Variants in HNF4A observed in about 807,000 individuals in gnomAD.
HNF4A encodes hepatocyte nuclear factor 4-alpha.
In HNF4A, 15 loss-of-function variants were observed where a neutral mutation model predicts 52.4. The ratio of observed to expected loss-of-function variants is 0.29; its 90% confidence interval spans 0.19 to 0.44. HNF4A has a LOEUF of 0.44. Among genes scored for constraint, HNF4A ranks in the 20% least tolerant of loss-of-function variants. The probability of loss-of-function intolerance (pLI) is 1.00; values close to 1 mark genes in which losing one functional copy is unlikely to be tolerated. For synonymous variants in HNF4A, 280 were observed against 264.4 expected, an observed-to-expected ratio of 1.06 and a Z score of -0.57; for missense variants, 479 against 647.2, an observed-to-expected ratio of 0.74 and a Z score of 2.82.
rs1168161209 is a variant in HNF4A, at chr20:44,368,170, T to A, written c.49+12317T>A. Among the ~76,000 whole-genome samples, 586 of 87,880 alleles carry A rather than the reference T, an allele frequency of 6.7e-3. 11 individuals are homozygous for A. Among genetic ancestry groups the A allele is most frequent in the African/African-American group, 0.025 (548 of 21,654 alleles). 57.7% of individuals were successfully genotyped at this position (87,880 alleles called of 152,430 possible). A position where few individuals can be genotyped will look rare whatever the true frequency, so the allele number is the denominator to read the frequency against. On this transcript the variant is annotated intron_variant, in intron 1 of 9. Transcript: ENST00000316673. ...TATATATATATATATATTTTTTTTT[T>A]TTTTTTTTTTTTTTGAGACAGGGTC...
At position 44,429,929 on chromosome 20, in the gene HNF4A, A is replaced by C; in HGVS notation, c.*264A>C. The C allele has an allele frequency of 2.0e-6, 1 of 507,540 alleles. No individual in the cohort carries two copies. The highest frequency in any genetic ancestry group is 3.5e-6 in the Non-Finnish European group (1 of 283,124). 31.4% of individuals were successfully genotyped at this position (507,540 alleles called of 1,614,324 possible). A position where few individuals can be genotyped will look rare whatever the true frequency, so the allele number is the denominator to read the frequency against. On this transcript the variant is annotated 3_prime_UTR_variant, in exon 10 of 10. Transcript: ENST00000316099. ...TTCTCATGTTGAAGCCACTGCCTTC[A>C]CCTTCACCTTCATCCATGTCCAACC...
intron 8 of HNF4A, among the ~76,000 whole-genome samples, chr20:44,425,067 C>T (rs926214148): frequency 3.3e-5 from 5 of 152,040 alleles, no homozygotes; most frequent in African/African-American, 1.2e-4. Flanking sequence ...CTGCAACCTC[C>T]ACCTCCCGAG....
At chr20:44,424,773 C>A in intron 8 of HNF4A, 1 of 324,046 alleles carries the variant, frequency 3.1e-6, no homozygotes, top group Non-Finnish European at 5.5e-6. Context: ...GAGGAATATT[C>A]CAAGAAGAAG....
intron 1 of HNF4A, among the ~76,000 whole-genome samples, chr20:44,381,662 G>A (rs1017674176): frequency 2.6e-5 from 4 of 152,114 alleles, no homozygotes; most frequent in African/African-American, 2.4e-5. Context: ...CCAGGATGGC[G>A]TGCAGCGGCA....
intron 3 of HNF4A, among the ~76,000 whole-genome samples, chr20:44,410,084 C>T (rs1180574417): frequency 1.3e-5 from 2 of 152,212 alleles, no homozygotes; most frequent in Admixed American, 6.5e-5. Context: ...TGATCCGCCT[C>T]GGCCTCCCAA....
intron 1 of HNF4A, among the ~76,000 whole-genome samples, chr20:44,396,190 G>A (rs1157661598): frequency 6.6e-6 from 1 of 152,068 alleles, no homozygotes; most frequent in Non-Finnish European, 1.5e-5. Context: ...TGTGGCTTTG[G>A]GCAAGTCACT....
In HNF4A at chr20:44,428,479, G is replaced by T. The variant is rs755961897; in HGVS notation, c.1274G>T (p.Gly425Val). The T allele has an allele frequency of 5.0e-6, 8 of 1,614,064 alleles. No individual in the cohort carries two copies. Among genetic ancestry groups the T allele is most frequent in the Non-Finnish European group, 4.2e-6 (5 of 1,179,992 alleles). ...ATGTGTGAGTGGCCCCGACCCAGGG[G>T]ACAGGCAGGTGGGCAAACTCTGGGA... The change falls in exon 9 of 10, where the codon GGA (glycine) becomes GTA (valine). Residue 425 changes from glycine (G) to valine (V), a missense_variant. Gly to Val is a moderately radical substitution (Grantham distance 109). Transcript: ENST00000316099.
rs564110189 is a variant in HNF4A, at chr20:44,431,448, G to T, written c.*1783G>T. ...CAAGTCAAGGGGAGGGGTGGCAGGG[G>T]TCTGTTTCCTGGAAGTCAGGCTCAT... is the stretch of plus-strand genomic sequence containing the variant. On this transcript the variant is annotated 3_prime_UTR_variant, in exon 10 of 10. Coordinates refer to ENST00000316099, the MANE Select transcript of HNF4A (RefSeq NM_000457.6). 1.6e-3 allele frequency: 240 copies of T among 152,494 alleles called. No homozygotes were observed. Among genetic ancestry groups the T allele is most frequent in the Admixed American group, 3.1e-3 (47 of 15,276 alleles). The allele number at this position is 152,494 out of a possible 1,614,324, so 9.4% of individuals were successfully genotyped here. A position where few individuals can be genotyped will look rare whatever the true frequency, so the allele number is the denominator to read the frequency against.
At chr20:44,405,794 A>G (rs1442490500) in intron 1 of HNF4A, among the ~76,000 whole-genome samples, 1 of 152,154 alleles carries the variant, frequency 6.6e-6, no homozygotes, top group African/African-American at 2.4e-5. Flanking sequence ...ATGCCTTCCT[A>G]GAGAAAGCTG....
At chr20:44,396,630 G>A (rs943889017), upstream of HNF4A, among the ~76,000 whole-genome samples, 1 of 152,208 alleles carries the variant, frequency 6.6e-6, no homozygotes, top group Non-Finnish European at 1.5e-5. Context: ...TGTGGTACCT[G>A]GAGCTGTCCT....
Position 44,414,737 on chromosome 20 carries a change from A to G in HNF4A, c.648+75A>G, listed in dbSNP as rs565047818. The G allele has an allele frequency of 3.0e-5, 43 of 1,410,080 alleles. No individual in the cohort carries two copies. The East Asian group carries it at 5.6e-4, about 18-fold the overall frequency. 87.3% of individuals were successfully genotyped at this position (1,410,080 alleles called of 1,614,324 possible). ...CCAGGGGGCTGCTGGCCCACCTGGG[A>G]TATAGCCGTGGACTGGCTTGATTTT... On this transcript the variant is annotated intron_variant, in intron 5 of 9. Transcript: ENST00000316099.
chr20:44,424,467 G>A, intron 8 of HNF4A: 2 of 1,006,798 alleles, frequency 2.0e-6, no homozygotes, highest in Non-Finnish European at 3.0e-6. Flanking sequence ...GCACGTGCCA[G>A]TCACTGTTCT....
At position 44,428,504 on chromosome 20, in the gene HNF4A, AT is replaced by A; in HGVS notation, c.1282+21del. On this transcript the variant is annotated intron_variant, in intron 9 of 9. Coordinates refer to ENST00000316099, the MANE Select transcript of HNF4A (RefSeq NM_000457.6). ...GACAGGCAGGTGGGCAAACTCTGGG[AT>A]TTTACCTTGCAAAGGGTGAGGATGG... 6.2e-7 allele frequency: 1 copy of A among 1,612,412 alleles called. No individual in the cohort carries two copies. The highest frequency in any genetic ancestry group is 1.3e-5 in the African/African-American group (1 of 75,000).
chr20:44,407,579 G>T lies in HNF4A; in HGVS notation c.385+104G>T, dbSNP rs995242690. On this transcript the variant is annotated intron_variant, in intron 3 of 9. Transcript: ENST00000316099. ...GCCACACTTTATGACTCAGTGGCAG[G>T]CCCCAGGGTGACTGGCTAATGGCTG... The T allele has an allele frequency of 4.9e-6, 4 of 818,782 alleles. No homozygotes were observed. The Admixed American group carries it at 8.0e-5, about 16-fold the overall frequency. 50.7% of individuals were successfully genotyped at this position (818,782 alleles called of 1,614,324 possible). A position where few individuals can be genotyped will look rare whatever the true frequency, so the allele number is the denominator to read the frequency against.
chr20:44,389,580 C>T (rs946797039), intron 1 of HNF4A: 4 of 152,260 alleles, frequency 2.6e-5, no homozygotes, highest in African/African-American at 7.2e-5. Flanking sequence ...CCACCCACAA[C>T]GATGCACGCA....
chr20:44,385,729 A>G lies in HNF4A; in HGVS notation c.50-20329A>G, dbSNP rs189107257. ...AGTGATCCACCTGCCTTGGCCTCCC[A>G]AAGTGTTGGGATTACAGGCATGAGC... On this transcript the variant is annotated intron_variant, in intron 1 of 9. Transcript: ENST00000316673. Among the ~76,000 whole-genome samples, 679 of 152,008 alleles carry G rather than the reference A, an allele frequency of 4.5e-3. 3 individuals carry two copies. The highest frequency in any genetic ancestry group is 0.015 in the African/African-American group (636 of 41,478).
chr20:44,370,160 T>A (rs948190553), intron 1 of HNF4A, among the ~76,000 whole-genome samples: 4 of 151,998 alleles, frequency 2.6e-5, no homozygotes, highest in African/African-American at 9.7e-5. Flanking sequence ...CCCAAGTAGC[T>A]GGGACTACAG....
At chr20:44,409,184 T>A (rs1283467848) in intron 3 of HNF4A, among the ~76,000 whole-genome samples, 1 of 152,152 alleles carries the variant, frequency 6.6e-6, no homozygotes, top group Admixed American at 6.5e-5. Flanking sequence ...TTCTAACATC[T>A]AGATATCAGT....
rs748438530 is a variant in HNF4A, at chr20:44,432,479, G to A, written c.*2814G>A. 12 of 150,858 alleles carry A rather than the reference G, an allele frequency of 8.0e-5. No individual in the cohort carries two copies. Among genetic ancestry groups the A allele is most frequent in the African/African-American group, 2.2e-4 (9 of 40,992 alleles). The allele number at this position is 150,858 out of a possible 1,614,324, so 9.3% of individuals were successfully genotyped here. On this transcript the variant is annotated 3_prime_UTR_variant, in exon 10 of 10. Coordinates refer to ENST00000316099, the MANE Select transcript of HNF4A (RefSeq NM_000457.6). ...CACCAAGACACCCTGATCTTCAGGC[G>A]GGTCTCAGGAGCTTCTAAAAATCCG... is the stretch of plus-strand genomic sequence containing the variant.
Sources: allele counts gnomAD v4.1 joint callset (sites outside exome capture counted in the v4.1 genomes callset), GRCh38; gene constraint gnomAD v4.1.1; transcripts MANE v1.5; gene names NCBI Gene and HGNC (gene_info 2026-07-23, HGNC 2026-07-21).